Variants in MAP2 observed in about 807,000 individuals in gnomAD.
MAP2 encodes microtubule associated protein 2, also known as microtubule-associated protein 2.
MAP2 carries 14 observed loss-of-function variants against 137.6 expected under a neutral mutation model. The observed-to-expected ratio is 0.10, with a 90% CI of 0.07 to 0.16. The LOEUF (loss-of-function observed/expected upper bound fraction) is 0.16, where lower values mean the gene tolerates loss of function less well. Ranked by LOEUF, MAP2 falls within the 10% of genes least tolerant of loss-of-function variation. MAP2 has a pLI of 1.00. For synonymous variants in MAP2, 786 were observed against 782.3 expected (o/e 1.00, Z -0.08); for missense variants, 2,088 against 2,191.5 (o/e 0.95, Z 0.94).
chr2:209,425,235 GT>G (rs748618783), intron 1 of MAP2, among the ~76,000 whole-genome samples: 1 of 152,332 alleles, frequency 6.6e-6, no homozygotes, highest in Non-Finnish European at 1.5e-5. Context: ...CAACAAGCCC[GT>G]TTGTGACAAT....
In MAP2 at chr2:209,694,331, G is replaced by C. The variant is rs1201447025; in HGVS notation, c.2161G>C (p.Gly721Arg). Residue 721 changes from glycine to arginine, a missense_variant, in exon 8 of 16, where the codon GGA becomes CGA. Physicochemically the swap from Gly to Arg is moderately radical, Grantham distance 125. Transcript: ENST00000682079. ...AGCCCTTGGATTTAACTTTGGTCGG[G>C]GACATGATCTTTCTCCTCTGGCTTC... ...SIALGFNFGR[G>R]HDLSPLASDI... 1.2e-6 allele frequency: 2 copies of C among 1,614,062 alleles called. No individual in the cohort carries two copies. The highest frequency in any genetic ancestry group is 1.3e-5 in the African/African-American group (1 of 75,002).
chr2:209,467,053 T>C (rs1012339598), intron 1 of MAP2, among the ~76,000 whole-genome samples: 3 of 152,222 alleles, frequency 2.0e-5, no homozygotes, highest in Non-Finnish European at 4.4e-5. Flanking sequence ...ATTTTCCTTA[T>C]TTTTAAGGAG....
intron 2 of MAP2, among the ~76,000 whole-genome samples, chr2:209,509,613 A>G (rs2150232639): frequency 6.6e-6 from 1 of 152,094 alleles, no homozygotes; most frequent in African/African-American, 2.4e-5. Context: ...TTAACTCACT[A>G]GAAACAGCCA....
chr2:209,581,964 G>A (rs2076522644), intron 3 of MAP2, among the ~76,000 whole-genome samples: 1 of 152,038 alleles, frequency 6.6e-6, no homozygotes, highest in Admixed American at 6.6e-5. Context: ...GGTGATTAAA[G>A]CAGAACAGAA....
chr2:209,571,555 A>G (rs2074404106), intron 2 of MAP2, among the ~76,000 whole-genome samples: 1 of 152,120 alleles, frequency 6.6e-6, no homozygotes. Flanking sequence ...TAGTTGTTCA[A>G]CTATTATAGT....
intron 4 of MAP2, among the ~76,000 whole-genome samples, chr2:209,645,413 T>C (rs1316009407): frequency 6.6e-6 from 1 of 152,058 alleles, no homozygotes; most frequent in Non-Finnish European, 1.5e-5. Flanking sequence ...TGAATGATAA[T>C]TTAAAAAGTA....
intron 7 of MAP2, among the ~76,000 whole-genome samples, chr2:209,691,509 T>G (rs2153712050): frequency 6.6e-6 from 1 of 152,286 alleles, no homozygotes; most frequent in African/African-American, 2.4e-5. Context: ...GTATATAAGG[T>G]AATGATGATC....
In MAP2 at chr2:209,693,607, C is replaced by A. The variant is rs759766545; in HGVS notation, c.1437C>A (p.His479Gln). Residue 479 changes from histidine (H) to glutamine (Q), a missense_variant, in exon 8 of 16, where the codon CAC becomes CAA. Transcript: ENST00000682079. ...EIGIIQTSTE[H>Q]TFSEQKDQEP... ...GCATAATTCAGACCTCCACAGAGCA[C>A]ACTTTCTCAGAACAGAAAGACCAAG... 1.9e-6 allele frequency: 3 copies of A among 1,613,980 alleles called. No homozygotes were observed. The South Asian group carries it at 3.3e-5, about 18-fold the overall frequency.
At chr2:209,550,144 T>C (rs1205024307) in intron 2 of MAP2, among the ~76,000 whole-genome samples, 1 of 152,174 alleles carries the variant, frequency 6.6e-6, no homozygotes, top group Non-Finnish European at 1.5e-5. Context: ...GCATTTTACA[T>C]TAGAAACATT....
chr2:209,690,118 A>G (rs2058402164), intron 7 of MAP2, among the ~76,000 whole-genome samples: 2 of 152,186 alleles, frequency 1.3e-5, no homozygotes, highest in Admixed American at 6.6e-5. Context: ...CATTTTAAAT[A>G]AAGCAGCCGG....
intron 5 of MAP2, among the ~76,000 whole-genome samples, chr2:209,672,102 T>C (rs7567872): frequency 2.0e-5 from 3 of 151,922 alleles, no homozygotes; most frequent in Admixed American, 2.0e-4. Flanking sequence ...CAGAAGAGCA[T>C]GGCAATGGTG....
intron 3 of MAP2, among the ~76,000 whole-genome samples, chr2:209,599,825 G>A (rs962400626): frequency 2.0e-5 from 3 of 151,964 alleles, no homozygotes; most frequent in Non-Finnish European, 4.4e-5. Context: ...CATCAACTGT[G>A]AAATATTGGA....
intron 1 of MAP2, among the ~76,000 whole-genome samples, chr2:209,459,790 T>C (rs758751551): frequency 8.5e-5 from 13 of 152,172 alleles, no homozygotes; most frequent in Non-Finnish European, 1.9e-4. Flanking sequence ...TTGCAGGCCC[T>C]AGTCTTCATG....
At chr2:209,617,663 T>A (rs2089946986) in intron 3 of MAP2, among the ~76,000 whole-genome samples, 2 of 152,070 alleles carry the variant, frequency 1.3e-5, no homozygotes, top group African/African-American at 4.8e-5. Flanking sequence ...AAGGACTCAG[T>A]CCTGTTGGAT....
In MAP2 at chr2:209,696,712, A is replaced by G. The variant is rs1293001695; in HGVS notation, c.4351A>G (p.Ser1451Gly). 3 of 1,613,902 alleles carry G rather than the reference A, an allele frequency of 1.9e-6. No homozygotes were observed. ...AAGAAAAGTAGCTAAAAAGGAACCT[A>G]GCACAGTCTCCAGAGATGAAGTGAG... ...PERKVAKKEP[S>G]TVSRDEVRRK... Residue 1451 changes from serine (S) to glycine (G), a missense_variant, in exon 9 of 16, where the codon AGC becomes GGC. Physicochemically the swap from Ser to Gly is moderately conservative, Grantham distance 56. This residue lies in a region of MAP2 where 591 missense variants were observed against 642.6 expected (regional missense o/e 0.92). Coordinates refer to ENST00000682079, the MANE Select transcript of MAP2 (RefSeq NM_001375505.1).
At chr2:209,653,549 C>A in intron 5 of MAP2, 117 bp downstream of exon 5, 2 of 1,045,978 alleles carry the variant, frequency 1.9e-6, no homozygotes, top group Non-Finnish European at 2.6e-6. Context: ...GACTGAAATT[C>A]CAGTCAGTCA....
At chr2:209,466,302 T>C (rs1704109161) in intron 1 of MAP2, among the ~76,000 whole-genome samples, 1 of 152,190 alleles carries the variant, frequency 6.6e-6, no homozygotes, top group African/African-American at 2.4e-5. Flanking sequence ...CCATATTCCT[T>C]CTCTCAAAGT....
At chr2:209,649,618 A>G (rs2094645636) in intron 4 of MAP2, among the ~76,000 whole-genome samples, 2 of 152,116 alleles carry the variant, frequency 1.3e-5, no homozygotes, top group Admixed American at 6.5e-5. Context: ...TTCAAGTTAT[A>G]TTTTCTGTAA....
In MAP2 at chr2:209,707,523, A is replaced by G. The variant is rs2153750097; in HGVS notation, c.4732+1796A>G. Reference sequence around the variant, plus strand: ...TTGAAGGAAACAATGTTGTGCAGGAAGCTCATCCGCCCAAGAGGAAGGAAA... The same window carrying G: ...TTGAAGGAAACAATGTTGTGCAGGAGGCTCATCCGCCCAAGAGGAAGGAAA... On this transcript the variant is annotated intron_variant, in intron 12 of 15. Coordinates refer to ENST00000682079, the MANE Select transcript of MAP2 (RefSeq NM_001375505.1). 1.3e-5 allele frequency among the ~76,000 whole-genome samples: 2 copies of G among 152,274 alleles called. 1 individual carries two copies. The highest frequency in any genetic ancestry group is 4.1e-4 in the South Asian group (2 of 4,824).
Sources: allele counts gnomAD v4.1 joint callset (sites outside exome capture counted in the v4.1 genomes callset), GRCh38; gene constraint gnomAD v4.1.1; regional missense constraint gnomAD v4.1.1; transcripts MANE v1.5; gene names NCBI Gene and HGNC (gene_info 2026-07-23, HGNC 2026-07-21).